The following CIBAR1 variants were observed in gnomAD, a reference collection of about 807,000 sequenced individuals.
CIBAR1 encodes CBY1 interacting BAR domain containing 1, also known as CBY1-interacting BAR domain-containing protein 1.
CIBAR1 carries 25 observed loss-of-function variants against 44.0 expected under a neutral mutation model. The ratio of observed to expected loss-of-function variants is 0.57; its 90% CI spans 0.41 to 0.79. The LOEUF is 0.79. Ranked by LOEUF, CIBAR1 falls within the 30% of genes least tolerant of loss-of-function variation. The pLI is 0.00. For synonymous variants in CIBAR1, 115 were observed against 119.0 expected (o/e 0.97, Z 0.22); for missense variants, 278 against 344.8 (o/e 0.81, Z 1.53).
intron 4 of CIBAR1, among the ~76,000 whole-genome samples, chr8:93,706,418 G>GT (rs975755725): frequency 1.4e-5 from 2 of 147,238 alleles, no homozygotes; most frequent in African/African-American, 4.9e-5. Flanking sequence ...GGCAGGGTGG[G>GT]TGGGGGGGTT....
intron 8 of CIBAR1, among the ~76,000 whole-genome samples, chr8:93,727,759 T>C (rs1015468741): frequency 2.0e-5 from 3 of 152,210 alleles, no homozygotes; most frequent in Admixed American, 2.0e-4. Context: ...GTCAGGCAAC[T>C]TAAAACTGGT....
chr8:93,726,325 G>A lies in CIBAR1; in HGVS notation c.658-69G>A, dbSNP rs1399962585. ...TTTTTTAAAAAAAAATCTTAACTAA[G>A]GAACTTAATTTGACTGTCTTGATTT... On this transcript the variant is annotated intron_variant, in intron 7 of 8. Coordinates refer to ENST00000518322, the MANE Select transcript of CIBAR1 (RefSeq NM_145269.5). The A allele has an allele frequency of 2.3e-6, 3 of 1,326,874 alleles. No individual in the cohort carries two copies. In the East Asian group the frequency reaches 8.2e-5, roughly 36 times the overall value. 82.2% of individuals were successfully genotyped at this position (1,326,874 alleles called of 1,614,324 possible).
At chr8:93,716,729 GTTAT>G (rs1405237893) in intron 6 of CIBAR1, among the ~76,000 whole-genome samples, 4 of 151,966 alleles carry the variant, frequency 2.6e-5, no homozygotes, top group Admixed American at 6.6e-5. Context: ...CATCCCCTAG[GTTAT>G]ATAAATACTT....
intron 2 of CIBAR1, chr8:93,702,132 G>A (rs780833709): frequency 9.3e-6 from 3 of 321,636 alleles, no homozygotes; most frequent in Non-Finnish European, 1.9e-5. Context: ...AAGTTGCCCA[G>A]TTAGAACTGC....
At position 93,731,435 on chromosome 8, in the gene CIBAR1, A is replaced by G. The variant is rs1010829532; in HGVS notation, c.*3138A>G. 1 of 152,196 alleles carries G rather than the reference A, an allele frequency of 6.6e-6. No individual in the cohort carries two copies. Among genetic ancestry groups the G allele is most frequent in the Non-Finnish European group, 1.5e-5 (1 of 68,040 alleles). The allele number at this position is 152,196 out of a possible 1,614,324, so 9.4% of individuals were successfully genotyped here. A position where few individuals can be genotyped will look rare whatever the true frequency, so the allele number is the denominator to read the frequency against. On this transcript the variant is annotated 3_prime_UTR_variant, in exon 9 of 9. Coordinates refer to ENST00000518322, the MANE Select transcript of CIBAR1 (RefSeq NM_145269.5). ...ATTGTGCTTGGTTTGGATATTCCAA[A>G]CAATCAATTTAACATTATCCTAGCT...
At chr8:93,718,205 C>T (rs531072143) in intron 6 of CIBAR1, among the ~76,000 whole-genome samples, 7 of 152,310 alleles carry the variant, frequency 4.6e-5, no homozygotes, top group African/African-American at 1.2e-4. Context: ...TACCAAGTAA[C>T]TCCTTTATGT....
chr8:93,707,972 C>T, intron 4 of CIBAR1, 39 bp from the exon 5 acceptor site: 1 of 1,466,354 alleles, frequency 6.8e-7, no homozygotes, highest in Non-Finnish European at 9.2e-7. Context: ...CTGTTATACT[C>T]TCTTTGAAAT....
intron 7 of CIBAR1, among the ~76,000 whole-genome samples, chr8:93,719,129 G>A (rs1012956642): frequency 6.6e-6 from 1 of 152,098 alleles, no homozygotes; most frequent in African/African-American, 2.4e-5. Flanking sequence ...CTCCCAAAGT[G>A]CTGGGATTAC....
intron 7 of CIBAR1, chr8:93,725,749 G>C (rs2130384403): frequency 6.6e-6 from 1 of 152,174 alleles, no homozygotes; most frequent in South Asian, 2.1e-4. Context: ...TTTTTAAAGA[G>C]AAAGAAGGAA....
At chr8:93,708,461 A>G (rs888350982) in intron 5 of CIBAR1, among the ~76,000 whole-genome samples, 33 of 152,106 alleles carry the variant, frequency 2.2e-4, no homozygotes, top group African/African-American at 7.5e-4. Context: ...GCTAGTTTTT[A>G]ATTTTTTATT....
At chr8:93,727,887 T>C (rs1586301482) in intron 8 of CIBAR1, among the ~76,000 whole-genome samples, 1 of 152,178 alleles carries the variant, frequency 6.6e-6, no homozygotes, top group East Asian at 1.9e-4. Context: ...GATTCTCAAA[T>C]GCTGTTTCTG....
intron 6 of CIBAR1, among the ~76,000 whole-genome samples, chr8:93,710,756 C>T (rs1338968053): frequency 6.6e-6 from 1 of 151,728 alleles, no homozygotes; most frequent in Non-Finnish European, 1.5e-5. Context: ...ATCACTTGAA[C>T]CCAGGAGGTG....
chr8:93,704,996 GA>G lies in CIBAR1; in HGVS notation c.419del (p.Asp140ValfsTer38). On this transcript the variant is annotated frameshift_variant, in exon 4 of 9. Coordinates refer to ENST00000518322, the MANE Select transcript of CIBAR1 (RefSeq NM_145269.5). LOFTEE classifies it high-confidence loss of function. ...AAGAACACGTCAGCGAAACCCATCT[GA>G]TCGACATGTTATTGTATCCTTTGAA... is the stretch of plus-strand genomic sequence containing the variant. Reference protein sequence around the residue: ...LERTRQRNPSDRHVISQAETE... With the variant: ...LERTRQRNPSXRHVISQAETE... 6.2e-7 allele frequency: 1 copy of G among 1,611,526 alleles called. No homozygotes were observed. The highest frequency in any genetic ancestry group is 2.2e-5 in the East Asian group (1 of 44,812).
At chr8:93,718,513 T>C (rs1322864409) in intron 6 of CIBAR1, among the ~76,000 whole-genome samples, 162 bp from the exon 7 acceptor site, 1 of 152,192 alleles carries the variant, frequency 6.6e-6, no homozygotes, top group Non-Finnish European at 1.5e-5. Flanking sequence ...CAAAAGGTCT[T>C]CACAACTGTT....
At chr8:93,712,170 A>G (rs1810851134) in intron 6 of CIBAR1, among the ~76,000 whole-genome samples, 2 of 152,348 alleles carry the variant, frequency 1.3e-5, no homozygotes, top group African/African-American at 4.8e-5. Flanking sequence ...TCACCACTCA[A>G]TGTTAGAACA....
chr8:93,716,100 G>A (rs552537007), intron 6 of CIBAR1: 1 of 152,348 alleles, frequency 6.6e-6, no homozygotes, highest in African/African-American at 2.4e-5. Flanking sequence ...CTGTAGTATG[G>A]TGGCATGATC....
intron 4 of CIBAR1, chr8:93,705,276 A>G (rs1289135737): frequency 4.9e-6 from 2 of 408,392 alleles, no homozygotes; most frequent in African/African-American, 4.1e-5. Context: ...GTAAATTCAA[A>G]TTTCTGAATT....
At chr8:93,714,222 C>G (rs554221173) in intron 6 of CIBAR1, among the ~76,000 whole-genome samples, 1 of 152,260 alleles carries the variant, frequency 6.6e-6, no homozygotes, top group African/African-American at 2.4e-5. Flanking sequence ...CTTCTTGTTG[C>G]TATCGTAAAT....
intron 8 of CIBAR1, 57 bp from the exon 9 acceptor site, chr8:93,728,148 T>A: frequency 9.3e-7 from 1 of 1,078,944 alleles, no homozygotes; most frequent in South Asian, 2.0e-5. Context: ...ATACCAAGAA[T>A]GTAAAATTTT....
Sources: gnomAD v4.1 joint callset for allele counts (sites outside exome capture counted in the v4.1 genomes callset) on GRCh38, gnomAD v4.1.1 for gene constraint, MANE v1.5 for transcripts, NCBI Gene and HGNC (gene_info 2026-07-23, HGNC 2026-07-21) for gene names.